The following INPP5A variants were observed in gnomAD, a reference collection of about 807,000 sequenced individuals.
The protein encoded by INPP5A is inositol polyphosphate-5-phosphatase A.
INPP5A carries 14 observed loss-of-function variants against 65.2 expected under a neutral mutation model. The observed-to-expected ratio is 0.21, with a 90% CI of 0.14 to 0.34. The LOEUF (loss-of-function observed/expected upper bound fraction) is 0.34, where lower values mean the gene tolerates loss of function less well. Ranked by LOEUF, INPP5A falls within the 10% of genes least tolerant of loss-of-function variation. The pLI is 1.00. For synonymous variants in INPP5A, 207 were observed against 208.3 expected (o/e 0.99, Z 0.05); for missense variants, 431 against 545.6 (o/e 0.79, Z 2.09).
rs758192844 is a variant in INPP5A, at chr10:132,678,208, T to G, written c.307-12184T>G. On this transcript the variant is annotated intron_variant, in intron 4 of 15. Coordinates refer to ENST00000368594, the MANE Select transcript of INPP5A (RefSeq NM_005539.5). This position sits in a 1 kb window ranked among gnomAD's most constrained non-coding sequence, Gnocchi z 4.1. The stretch of plus-strand genomic sequence containing the variant: ...CGGTCACAGCCCCCCGTATGCTGCC[T>G]GGGGGTGGCACTGGGGGAAGTGGGC... Among the ~76,000 whole-genome samples the G allele has an allele frequency of 6.9e-4, 105 of 152,274 alleles. No homozygotes were observed. Among genetic ancestry groups the G allele is most frequent in the Middle Eastern group, 3.4e-3 (1 of 294 alleles).
intron 8 of INPP5A, among the ~76,000 whole-genome samples, chr10:132,719,289 CAA>C (rs1845812271): frequency 1.9e-5 from 2 of 103,854 alleles, no homozygotes; most frequent in South Asian, 3.3e-4. Flanking sequence ...GGTTCTGTGG[CAA>C]CTGGGTTCTG....
intron 1 of INPP5A, among the ~76,000 whole-genome samples, chr10:132,542,437 GGTA>G (rs138762052): frequency 0.053 from 8,140 of 152,264 alleles, 330 homozygotes; most frequent in South Asian, 0.12. Flanking sequence ...GTCTCTCTCT[GGTA>G]GCATCAGCAT....
At chr10:132,640,305 T>C (rs1232397345) in intron 2 of INPP5A, among the ~76,000 whole-genome samples, 3 of 152,222 alleles carry the variant, frequency 2.0e-5, no homozygotes, top group African/African-American at 7.2e-5. Context: ...TTGTCACACA[T>C]GTGTGTGTTT....
intron 11 of INPP5A, among the ~76,000 whole-genome samples, chr10:132,752,522 G>A (rs1308743093): frequency 2.8e-5 from 4 of 144,560 alleles, no homozygotes; most frequent in African/African-American, 1.0e-4. Context: ...GCGTGGCGTG[G>A]AGGAGGTGTG....
At chr10:132,638,359 C>T (rs2072383987) in intron 2 of INPP5A, among the ~76,000 whole-genome samples, 1 of 152,272 alleles carries the variant, frequency 6.6e-6, no homozygotes, top group South Asian at 2.1e-4. Context: ...AGCCTCCGGA[C>T]TTGCTGGCTG....
intron 5 of INPP5A, among the ~76,000 whole-genome samples, chr10:132,694,637 A>G (rs1392852094): frequency 4.6e-5 from 7 of 152,214 alleles, no homozygotes; most frequent in Admixed American, 4.6e-4. Flanking sequence ...GATCAATAAA[A>G]TCGATAAACC....
intron 8 of INPP5A, among the ~76,000 whole-genome samples, chr10:132,719,869 G>A (rs1444018613): frequency 6.7e-6 from 1 of 149,862 alleles, no homozygotes; most frequent in Non-Finnish European, 1.5e-5. Context: ...GTTCTGTCTG[G>A]GCGCCTTAGA....
rs141874291 is a variant in INPP5A, at chr10:132,547,408, C to T, written c.75+9237C>T. On this transcript the variant is annotated intron_variant, in intron 1 of 15. Transcript: ENST00000368594. The surrounding 1 kb of genome is among the most constrained non-coding windows in gnomAD (Gnocchi z 5.5). ...TAACAGCCTGGCCTTTGCTTCTGTC[C>T]GGGGCGCGTGGCCCAGGCTGAGCAG... Among the ~76,000 whole-genome samples, 4 of 152,304 alleles carry T rather than the reference C, an allele frequency of 2.6e-5. No homozygotes were observed. The East Asian group carries it at 5.8e-4, about 22-fold the overall frequency.
chr10:132,712,696 A>G (rs1327896116), intron 8 of INPP5A, among the ~76,000 whole-genome samples: 1 of 136,492 alleles, frequency 7.3e-6, no homozygotes, highest in Non-Finnish European at 1.6e-5. Flanking sequence ...GGGTATATGC[A>G]TGTGTGGGTG....
chr10:132,718,065 G>A lies in INPP5A; in HGVS notation c.647+7609G>A, dbSNP rs566324990. ...ACGGCTGTCTTGCGGGTTCTGTGGTGCGTGGGTTCTGTCTGGGTGCCTTAG... is the reference window on the plus strand; with the variant it reads ...ACGGCTGTCTTGCGGGTTCTGTGGTACGTGGGTTCTGTCTGGGTGCCTTAG... On this transcript the variant is annotated intron_variant, in intron 8 of 15. Coordinates refer to ENST00000368594, the MANE Select transcript of INPP5A (RefSeq NM_005539.5). Among the ~76,000 whole-genome samples the A allele has an allele frequency of 9.0e-4, 126 of 139,994 alleles. 1 individual carries two copies. Among genetic ancestry groups the A allele is most frequent in the African/African-American group, 3.2e-3 (119 of 37,144 alleles). 91.8% of individuals were successfully genotyped at this position (139,994 alleles called of 152,430 possible). A position where few individuals can be genotyped will look rare whatever the true frequency, so the allele number is the denominator to read the frequency against.
At position 132,551,731 on chromosome 10, in the gene INPP5A, G is replaced by A. The variant is rs1005615259; in HGVS notation, c.75+13560G>A. ...AGGCCTGGGCCCAGGCTGGAGGGAC[G>A]TGGGGTGGGAATGGGCCTGACCAGC... On this transcript the variant is annotated intron_variant, in intron 1 of 15. Transcript: ENST00000368594. This position sits in a 1 kb window ranked among gnomAD's most constrained non-coding sequence, Gnocchi z 5.3. 7.9e-5 allele frequency among the ~76,000 whole-genome samples: 12 copies of A among 152,218 alleles called. No individual in the cohort carries two copies. Among genetic ancestry groups the A allele is most frequent in the African/African-American group, 2.2e-4 (9 of 41,434 alleles).
At chr10:132,602,962 G>A (rs1339159440) in intron 1 of INPP5A, among the ~76,000 whole-genome samples, 3 of 152,058 alleles carry the variant, frequency 2.0e-5, no homozygotes, top group Admixed American at 1.3e-4. Flanking sequence ...ATTCCTTTGT[G>A]GTTTCAAGTC....
At chr10:132,667,690 A>G (rs2072824807) in intron 4 of INPP5A, among the ~76,000 whole-genome samples, 2 of 152,220 alleles carry the variant, frequency 1.3e-5, no homozygotes, top group Admixed American at 1.3e-4. Flanking sequence ...TTACACTGAT[A>G]TAGTATTGAT....
chr10:132,719,688 A>C (rs1219473215), intron 8 of INPP5A, among the ~76,000 whole-genome samples: 1 of 54,296 alleles, frequency 1.8e-5, no homozygotes, highest in Non-Finnish European at 3.8e-5. Context: ...GCTGTCTTGC[A>C]GGTTCTGTGG....
chr10:132,759,702 G>A (rs562206059), intron 11 of INPP5A, among the ~76,000 whole-genome samples: 2 of 152,142 alleles, frequency 1.3e-5, no homozygotes, highest in Admixed American at 6.5e-5. Flanking sequence ...TCTATGGCCC[G>A]GCGCCCTCCT....
intron 1 of INPP5A, among the ~76,000 whole-genome samples, chr10:132,598,597 G>T (rs1344354468): frequency 6.6e-6 from 1 of 152,210 alleles, no homozygotes; most frequent in South Asian, 2.1e-4. Flanking sequence ...TATGTGGATA[G>T]ACCACAATTG....
At chr10:132,604,845 A>G (rs1268855556) in intron 1 of INPP5A, among the ~76,000 whole-genome samples, 2 of 152,222 alleles carry the variant, frequency 1.3e-5, no homozygotes, top group African/African-American at 4.8e-5. Flanking sequence ...GGCTGTTGCC[A>G]GTCTGCAAAG....
At chr10:132,766,162 G>A (rs113653890) in intron 12 of INPP5A, among the ~76,000 whole-genome samples, 20 of 152,212 alleles carry the variant, frequency 1.3e-4, no homozygotes, top group African/African-American at 4.6e-4. Context: ...GTGTGCACGT[G>A]TGTGTTCTTG....
At chr10:132,605,405 G>A (rs1189065609) in intron 1 of INPP5A, among the ~76,000 whole-genome samples, 1 of 135,566 alleles carries the variant, frequency 7.4e-6, no homozygotes, top group Non-Finnish European at 1.6e-5. Flanking sequence ...GGGAGGGAGT[G>A]GATCCCCAGG....
Sources: allele counts gnomAD v4.1 joint callset (sites outside exome capture counted in the v4.1 genomes callset), GRCh38; gene constraint gnomAD v4.1.1; non-coding constraint Gnocchi (gnomAD v3.1); transcripts MANE v1.5; gene names NCBI Gene and HGNC (gene_info 2026-07-23, HGNC 2026-07-21).